The following PPP2R5C variants were observed in gnomAD, a reference collection of about 807,000 sequenced individuals.
PPP2R5C encodes the protein protein phosphatase 2 regulatory subunit B'gamma.
In PPP2R5C, 7 loss-of-function variants were observed where a neutral mutation model predicts 68.9. The ratio of observed to expected loss-of-function variants is 0.10; its 90% CI spans 0.06 to 0.19. The LOEUF is 0.19. Among genes scored for constraint, PPP2R5C ranks in the 10% least tolerant of loss-of-function variants. The pLI is 1.00. For synonymous variants in PPP2R5C, 210 were observed against 222.2 expected, an observed-to-expected ratio of 0.95 and a Z score of 0.49; for missense variants, 348 against 641.3, an observed-to-expected ratio of 0.54 and a Z score of 4.94.
In PPP2R5C at chr14:101,797,241, C is replaced by G; in HGVS notation, c.259+11058C>G. 1 of 456,052 alleles carries G rather than the reference C, an allele frequency of 2.2e-6. No individual in the cohort carries two copies. Among genetic ancestry groups the G allele is most frequent in the Non-Finnish European group, 4.4e-6 (1 of 226,792 alleles). 28.3% of individuals were successfully genotyped at this position (456,052 alleles called of 1,614,324 possible). A position where few individuals can be genotyped will look rare whatever the true frequency, so the allele number is the denominator to read the frequency against. ...CCCACATTGTAGCACGTGCCAGACC[C>G]TCGCTCCCGTCGAAGGCTGATGCCA... On this transcript the variant is annotated intron_variant, in intron 3 of 14. Transcript: ENST00000328724. This position sits in a 1 kb window ranked among gnomAD's most constrained non-coding sequence, Gnocchi z 4.2.
At chr14:101,924,443 A>ATTTTTTTTTTTTTTTTTTTT in intron 13 of PPP2R5C, among the ~76,000 whole-genome samples, 1 of 56,854 alleles carries the variant, frequency 1.8e-5, no homozygotes, top group Non-Finnish European at 3.2e-5. Context: ...AAATTTCTAC[A>ATTTTTTTTTTTTTTTTTTTT]TCTTTTTTTT....
At chr14:101,908,378 A>G (rs2046182713) in intron 10 of PPP2R5C, among the ~76,000 whole-genome samples, 1 of 151,986 alleles carries the variant, frequency 6.6e-6, no homozygotes, top group Non-Finnish European at 1.5e-5. Flanking sequence ...TATTTTATTT[A>G]TTTATTTATT....
chr14:101,766,650 A>G (rs538329601), intron 2 of PPP2R5C: 1 of 152,358 alleles, frequency 6.6e-6, no homozygotes, highest in East Asian at 1.9e-4. Context: ...TTGCTTCTGC[A>G]CACGTGTCCT....
intron 1 of PPP2R5C, among the ~76,000 whole-genome samples, chr14:101,823,441 G>A (rs566616285): frequency 3.9e-5 from 6 of 152,278 alleles, no homozygotes; most frequent in Admixed American, 3.3e-4. Context: ...AATCCTAGAA[G>A]ACCAGTTTAC....
upstream of PPP2R5C, among the ~76,000 whole-genome samples, chr14:101,761,079 GGGGAGGGGAGGGAA>G (rs1180506720): frequency 4.2e-4 from 61 of 145,748 alleles, no homozygotes; most frequent in Middle Eastern, 3.5e-3. Context: ...GAGGAGGGAA[GGGGAGGGGAGGGAA>G]GGGAGGGGAG....
At chr14:101,862,623 C>T (rs1003315764) in intron 2 of PPP2R5C, among the ~76,000 whole-genome samples, 1 of 152,108 alleles carries the variant, frequency 6.6e-6, no homozygotes, top group Non-Finnish European at 1.5e-5. Context: ...CTGTGTGAGA[C>T]CAGACTTTCA....
intron 11 of PPP2R5C, among the ~76,000 whole-genome samples, chr14:101,911,019 T>A (rs1216868587): frequency 6.6e-6 from 1 of 150,848 alleles, no homozygotes; most frequent in Admixed American, 6.6e-5. Flanking sequence ...AGGAGAATGG[T>A]GTGAACCTGG....
chr14:101,791,114 C>G (rs1375979410), intron 3 of PPP2R5C, among the ~76,000 whole-genome samples: 1 of 152,140 alleles, frequency 6.6e-6, no homozygotes, highest in Non-Finnish European at 1.5e-5. Flanking sequence ...GAAAAAGAAA[C>G]TGCCAAACTG....
intron 1 of PPP2R5C, among the ~76,000 whole-genome samples, chr14:101,762,367 G>C (rs576982987): frequency 6.6e-6 from 1 of 152,164 alleles, no homozygotes; most frequent in Admixed American, 6.5e-5. Context: ...ACGGGGGAAA[G>C]GGAGCGAGAA....
Position 101,916,236 on chromosome 14 carries a change from G to A in PPP2R5C, c.1327-1595G>A, listed in dbSNP as rs2046663718. Among the ~76,000 whole-genome samples the A allele has an allele frequency of 6.6e-6, 1 of 151,858 alleles. No homozygotes were observed. Among genetic ancestry groups the A allele is most frequent in the Non-Finnish European group, 1.5e-5 (1 of 67,948 alleles). ...TGTGGAGATCGTGGTGCTGGGCGGA[G>A]CTGTGGGAGTGAAGGCACAGGGCGC... On this transcript the variant is annotated intron_variant, in intron 12 of 13. Transcript: ENST00000334743. The surrounding 1 kb of genome is among the most constrained non-coding windows in gnomAD (Gnocchi z 5.5).
chr14:101,823,890 A>G (rs1184591877), intron 1 of PPP2R5C: 5 of 1,266,486 alleles, frequency 3.9e-6, no homozygotes, highest in Non-Finnish European at 5.1e-6. Flanking sequence ...AGGTTAGTTG[A>G]TCTTATGGTG....
intron 2 of PPP2R5C, among the ~76,000 whole-genome samples, chr14:101,871,539 G>A (rs992062065): frequency 3.3e-5 from 5 of 152,102 alleles, no homozygotes; most frequent in East Asian, 3.8e-4. Context: ...CACTGTGCCC[G>A]GCTGAGTCTT....
At chr14:101,783,733 G>A (rs148952911) in intron 2 of PPP2R5C, among the ~76,000 whole-genome samples, 3 of 152,304 alleles carry the variant, frequency 2.0e-5, no homozygotes, top group South Asian at 2.1e-4. Context: ...AGCCACGGGG[G>A]AGCCCTGTCA....
upstream of PPP2R5C, among the ~76,000 whole-genome samples, chr14:101,808,855 CTAA>C (rs1468275468): frequency 1.3e-5 from 2 of 152,190 alleles, no homozygotes; most frequent in Non-Finnish European, 1.5e-5. Context: ...TTTGGAACTA[CTAA>C]TAACACTCAT....
intron 3 of PPP2R5C, among the ~76,000 whole-genome samples, chr14:101,798,881 C>T (rs997369827): frequency 6.6e-6 from 1 of 152,148 alleles, no homozygotes; most frequent in Non-Finnish European, 1.5e-5. Flanking sequence ...CACTCCTTAG[C>T]AAGTGCATCA....
chr14:101,831,673 T>C (rs768073973), intron 1 of PPP2R5C: 6 of 687,318 alleles, frequency 8.7e-6, no homozygotes, highest in East Asian at 2.7e-5. Flanking sequence ...GGTCCACTTA[T>C]ATGTGGATTT....
chr14:101,840,419 T>G (rs1204300042), intron 1 of PPP2R5C, among the ~76,000 whole-genome samples: 1 of 147,970 alleles, frequency 6.8e-6, no homozygotes, highest in Non-Finnish European at 1.5e-5. Context: ...GTCCGCTTGC[T>G]GCTTTCTGGT....
upstream of PPP2R5C, among the ~76,000 whole-genome samples, chr14:101,761,457 G>A (rs998427080): frequency 6.6e-6 from 1 of 150,828 alleles, no homozygotes; most frequent in Non-Finnish European, 1.5e-5. Flanking sequence ...GCAGCGACTC[G>A]GGACGGAGGG....
chr14:101,818,438 C>G (rs958886313), intron 1 of PPP2R5C: 1 of 153,204 alleles, frequency 6.5e-6, no homozygotes, highest in African/African-American at 2.4e-5. Flanking sequence ...GAGTTCAAGA[C>G]CAGCCTGGCC....
Sources: gnomAD v4.1 joint callset for allele counts (sites outside exome capture counted in the v4.1 genomes callset) on GRCh38, gnomAD v4.1.1 for gene constraint, Gnocchi (gnomAD v3.1) non-coding constraint, MANE v1.5 for transcripts, NCBI Gene and HGNC (gene_info 2026-07-23, HGNC 2026-07-21) for gene names.